FRMD4A: variants seen among roughly 807,000 people sequenced by gnomAD.
FRMD4A encodes FERM domain containing 4A, also known as FERM domain-containing protein 4A.
FRMD4A carries 29 observed loss-of-function variants against 129.1 expected under a neutral mutation model. The observed-to-expected ratio is 0.22, with a 90% CI of 0.17 to 0.31. The LOEUF (loss-of-function observed/expected upper bound fraction) is 0.31. FRMD4A is among the 10% of genes least tolerant of loss of function. The pLI is 1.00. For missense variants in FRMD4A, 1,272 were observed against 1,375.8 expected, an observed-to-expected ratio of 0.92 and a Z score of 1.19; for synonymous variants, 634 against 571.6, an observed-to-expected ratio of 1.11 and a Z score of -1.56.
At chr10:14,258,583 G>A (rs1417463256) in intron 2 of FRMD4A, among the ~76,000 whole-genome samples, 2 of 152,176 alleles carry the variant, frequency 1.3e-5, no homozygotes, top group African/African-American at 4.8e-5. Flanking sequence ...AAACTGGAAC[G>A]CTCATGCACC....
At chr10:14,174,534 G>A (rs868095607) in intron 2 of FRMD4A, among the ~76,000 whole-genome samples, 3 of 150,400 alleles carry the variant, frequency 2.0e-5, no homozygotes, top group Non-Finnish European at 3.0e-5. Context: ...GCGTTTGTTC[G>A]TTCATTCATT....
intron 2 of FRMD4A, among the ~76,000 whole-genome samples, chr10:14,198,373 G>A (rs575653063): frequency 2.6e-5 from 4 of 152,162 alleles, no homozygotes; most frequent in African/African-American, 4.8e-5. Flanking sequence ...ACTAGGCAGC[G>A]GCACATGGTT....
At chr10:14,215,517 C>T (rs761576055) in intron 2 of FRMD4A, among the ~76,000 whole-genome samples, 1 of 151,994 alleles carries the variant, frequency 6.6e-6, no homozygotes, top group Non-Finnish European at 1.5e-5. Context: ...ACTAAAATAA[C>T]GAAAGTAATT....
At chr10:14,075,502 C>A (rs529431991) in intron 2 of FRMD4A, among the ~76,000 whole-genome samples, 17 of 152,152 alleles carry the variant, frequency 1.1e-4, no homozygotes, top group African/African-American at 4.1e-4. Flanking sequence ...CTCTTTCTGT[C>A]GTTGCTCCTT....
chr10:14,194,609 TCAA>T lies in FRMD4A; in HGVS notation c.45+135446_45+135448del, dbSNP rs1046419901. On this transcript the variant is annotated intron_variant, in intron 2 of 24. Coordinates refer to ENST00000357447, the MANE Select transcript of FRMD4A (RefSeq NM_018027.5). ...CTGGGCGACACAGCGAGACTCTGTC[TCAA>T]CAACAACAACAACAACAAAAAACCA... Among the ~76,000 whole-genome samples, 167 of 151,978 alleles carry T rather than the reference TCAA, an allele frequency of 1.1e-3. 1 individual carries two copies. The highest frequency in any genetic ancestry group is 7.7e-3 in the Admixed American group (117 of 15,262).
chr10:13,943,819 C>T (rs2095312083), intron 2 of FRMD4A, among the ~76,000 whole-genome samples: 2 of 152,012 alleles, frequency 1.3e-5, no homozygotes, highest in Non-Finnish European at 2.9e-5. Context: ...TTTAAAAATA[C>T]TTGGTATGGA....
intron 2 of FRMD4A, among the ~76,000 whole-genome samples, chr10:14,061,033 G>A (rs1237395105): frequency 2.0e-5 from 3 of 149,966 alleles, no homozygotes; most frequent in African/African-American, 7.3e-5. Context: ...AAAAAAAAAT[G>A]ACCAAAGGGC....
intron 12 of FRMD4A, among the ~76,000 whole-genome samples, chr10:13,727,301 CCA>C (rs2089967457): frequency 6.6e-6 from 1 of 152,200 alleles, no homozygotes; most frequent in Non-Finnish European, 1.5e-5. Flanking sequence ...GCAGCACCGA[CCA>C]GCCTCTTTCT....
At chr10:14,216,995 G>A (rs1182113684) in intron 2 of FRMD4A, among the ~76,000 whole-genome samples, 1 of 152,264 alleles carries the variant, frequency 6.6e-6, no homozygotes, top group African/African-American at 2.4e-5. Context: ...CAAGGACAAG[G>A]GAACATGCTG....
intron 2 of FRMD4A, among the ~76,000 whole-genome samples, chr10:14,030,502 A>T (rs957508566): frequency 6.6e-6 from 1 of 152,260 alleles, no homozygotes; most frequent in Non-Finnish European, 1.5e-5. Context: ...ATACTTGTCT[A>T]TCAAGCTTCT....
intron 3 of FRMD4A, among the ~76,000 whole-genome samples, chr10:13,850,996 C>G (rs765785863): frequency 1.3e-5 from 2 of 152,090 alleles, no homozygotes; most frequent in Non-Finnish European, 2.9e-5. Flanking sequence ...GGGTGGATCA[C>G]CTGAGATCAG....
At chr10:14,185,443 TGTC>T (rs1842061258) in intron 2 of FRMD4A, among the ~76,000 whole-genome samples, 1 of 152,238 alleles carries the variant, frequency 6.6e-6, no homozygotes, top group Non-Finnish European at 1.5e-5. Context: ...CAGATGAGGA[TGTC>T]GTGGCAGAAA....
At chr10:13,920,770 T>C (rs959757502) in intron 2 of FRMD4A, among the ~76,000 whole-genome samples, 1 of 152,208 alleles carries the variant, frequency 6.6e-6, no homozygotes, top group Admixed American at 6.5e-5. Context: ...ACACATGGCA[T>C]GTTTGTTTGG....
chr10:13,718,057 T>C (rs2089021058), intron 12 of FRMD4A, among the ~76,000 whole-genome samples: 1 of 152,224 alleles, frequency 6.6e-6, no homozygotes, highest in Admixed American at 6.5e-5. Context: ...AGCAGCTTGT[T>C]TGCACTTTGG....
At chr10:13,827,497 G>C (rs2093720682) in intron 3 of FRMD4A, among the ~76,000 whole-genome samples, 1 of 152,212 alleles carries the variant, frequency 6.6e-6, no homozygotes, top group South Asian at 2.1e-4. Flanking sequence ...TTTAACGCAT[G>C]CTAATGTCGG....
At chr10:13,656,018 A>G (rs1226907291) in intron 22 of FRMD4A, 3 of 152,224 alleles carry the variant, frequency 2.0e-5, no homozygotes, top group African/African-American at 7.2e-5. Flanking sequence ...TAAACTTTAT[A>G]GAAATTTTCA....
At chr10:14,296,497 C>T (rs922364568) in intron 2 of FRMD4A, among the ~76,000 whole-genome samples, 5 of 152,136 alleles carry the variant, frequency 3.3e-5, no homozygotes, top group Admixed American at 6.5e-5. Flanking sequence ...CTCCAAACTG[C>T]CCTCAGGTGT....
At chr10:13,887,513 T>C (rs2094638261) in intron 2 of FRMD4A, among the ~76,000 whole-genome samples, 1 of 152,090 alleles carries the variant, frequency 6.6e-6, no homozygotes, top group African/African-American at 2.4e-5. Context: ...ACCCCGTCTC[T>C]ACTAAAAATA....
intron 2 of FRMD4A, among the ~76,000 whole-genome samples, chr10:14,252,795 C>T (rs1220349743): frequency 6.6e-6 from 1 of 152,248 alleles, no homozygotes; most frequent in Non-Finnish European, 1.5e-5. Context: ...ATTCCTCAAA[C>T]TTTGATCCAC....
Sources: gnomAD v4.1 joint callset for allele counts (sites outside exome capture counted in the v4.1 genomes callset) on GRCh38, gnomAD v4.1.1 for gene constraint, MANE v1.5 for transcripts, NCBI Gene and HGNC (gene_info 2026-07-23, HGNC 2026-07-21) for gene names.